UNC13C: variants seen among roughly 807,000 people sequenced by gnomAD.
The protein encoded by UNC13C is protein unc-13 homolog C.
Under a neutral mutation model 245.4 loss-of-function variants are expected in UNC13C, and 174 were observed. The ratio of observed to expected loss-of-function variants is 0.71; its 90% CI spans 0.63 to 0.80. The LOEUF is 0.80. Among genes scored for constraint, UNC13C ranks in the 30% least tolerant of loss-of-function variants. The pLI, the probability that UNC13C is intolerant of heterozygous loss-of-function variation, is 0.00. For synonymous variants in UNC13C, 992 were observed against 895.1 expected, an observed-to-expected ratio of 1.11 and a Z score of -1.93; for missense variants, 2,829 against 2,602.9, an observed-to-expected ratio of 1.09 and a Z score of -1.89.
chr15:53,929,228 T>A, the UNC13C span, among the ~76,000 whole-genome samples: 1 of 152,106 alleles, frequency 6.6e-6, no homozygotes, highest in South Asian at 2.1e-4. Flanking sequence ...TTATTCACTA[T>A]CAAAAGAACA....
chr15:53,941,788 G>A, the UNC13C span, among the ~76,000 whole-genome samples: 1 of 152,050 alleles, frequency 6.6e-6, no homozygotes, highest in Non-Finnish European at 1.5e-5. Flanking sequence ...CATTCATGGG[G>A]CCAAATATAT....
At chr15:54,329,974 G>C (rs1370369686) in intron 14 of UNC13C, among the ~76,000 whole-genome samples, 1 of 152,058 alleles carries the variant, frequency 6.6e-6, no homozygotes, top group Non-Finnish European at 1.5e-5. Flanking sequence ...GGAATTCAGA[G>C]CTGGTATAGC....
At chr15:54,425,093 T>A (rs1228652112) in intron 19 of UNC13C, among the ~76,000 whole-genome samples, 1 of 149,932 alleles carries the variant, frequency 6.7e-6, no homozygotes, top group Admixed American at 6.6e-5. Context: ...CACTTCAGCA[T>A]GTGAAAGAGT....
In UNC13C at chr15:54,500,889, G is replaced by A; in HGVS notation, c.5212G>A (p.Ala1738Thr). The change falls in exon 22 of 33, where the codon GCT becomes ACT. Residue 1738 changes from alanine to threonine, a missense_variant. Transcript: ENST00000260323. Reference sequence around the variant, plus strand: ...TTCTTGCTCCGTGGTTGATGTCTTTGCTCAGCTGAATCAGAGCTTTGAAAT... The same window carrying A: ...TTCTTGCTCCGTGGTTGATGTCTTTACTCAGCTGAATCAGAGCTTTGAAAT... ...LFSCSVVDVF[A>T]QLNQSFEIIK... 6.2e-7 allele frequency: 1 copy of A among 1,612,944 alleles called. No individual in the cohort carries two copies. Among genetic ancestry groups the A allele is most frequent in the Non-Finnish European group, 8.5e-7 (1 of 1,179,244 alleles).
chr15:54,269,054 A>G (rs564794638), intron 10 of UNC13C, among the ~76,000 whole-genome samples: 1 of 140,838 alleles, frequency 7.1e-6, no homozygotes, highest in African/African-American at 3.0e-5. Context: ...TTAATTTTTT[A>G]TTTTATTTTA....
chr15:54,433,159 A>G lies in UNC13C; in HGVS notation c.4933+18092A>G, dbSNP rs372931008. On this transcript the variant is annotated intron_variant, in intron 19 of 32. Transcript: ENST00000260323. ...CACAGCAGTATTCTACCAGAGATAC[A>G]AAGAGGAGATGGTACCATTCCTTCT... 6.0e-4 allele frequency among the ~76,000 whole-genome samples: 92 copies of G among 152,264 alleles called. No homozygotes were observed. The South Asian group carries it at 0.018, about 30-fold the overall frequency.
intron 1 of UNC13C, among the ~76,000 whole-genome samples, chr15:54,001,723 T>C (rs1894896941): frequency 6.6e-6 from 1 of 152,254 alleles, no homozygotes; most frequent in African/African-American, 2.4e-5. Context: ...ATTATCTTAT[T>C]TGTTAAATGA....
intron 2 of UNC13C, among the ~76,000 whole-genome samples, chr15:54,102,151 T>C (rs527329780): frequency 6.6e-6 from 1 of 150,946 alleles, no homozygotes; most frequent in East Asian, 2.0e-4. Context: ...ATTAGGCAAA[T>C]TCCCATAAGT....
chr15:53,879,836 T>C, the UNC13C span, among the ~76,000 whole-genome samples: 2 of 152,190 alleles, frequency 1.3e-5, no homozygotes, highest in African/African-American at 4.8e-5. Flanking sequence ...CCACCTGCCT[T>C]GGCCTGATTC....
rs879818226 is a variant in UNC13C, at chr15:54,136,304, A to AT, written c.2984-6704dup. Among the ~76,000 whole-genome samples, 369 of 149,074 alleles carry AT rather than the reference A, an allele frequency of 2.5e-3. 1 individual carries two copies. Among genetic ancestry groups the AT allele is most frequent in the Non-Finnish European group, 4.0e-3 (269 of 66,972 alleles). On this transcript the variant is annotated intron_variant, in intron 2 of 32. Coordinates refer to ENST00000260323, the MANE Select transcript of UNC13C (RefSeq NM_001080534.3). ...AGGCATGTGCCACCATGCCCTGCAA[A>AT]TTTTTTTTTTGTATTGTTTGTAGAG...
chr15:54,024,155 G>A (rs1300241638), intron 2 of UNC13C, among the ~76,000 whole-genome samples: 1 of 152,136 alleles, frequency 6.6e-6, no homozygotes, highest in South Asian at 2.1e-4. Context: ...AGAGGAGACC[G>A]ACTCCAGTGC....
At chr15:54,601,903 C>T (rs2141273392) in intron 30 of UNC13C, among the ~76,000 whole-genome samples, 1 of 152,284 alleles carries the variant, frequency 6.6e-6, no homozygotes, top group African/African-American at 2.4e-5. Flanking sequence ...TCTCTGCAAT[C>T]TGTCGTAGTG....
At chr15:53,906,221 G>A in the UNC13C span, among the ~76,000 whole-genome samples, 1 of 152,124 alleles carries the variant, frequency 6.6e-6, no homozygotes, top group Non-Finnish European at 1.5e-5. Context: ...AGCTACTAGG[G>A]AGGCTGAGGT....
At chr15:54,244,110 G>A (rs2035930168) in intron 7 of UNC13C, among the ~76,000 whole-genome samples, 1 of 151,980 alleles carries the variant, frequency 6.6e-6, no homozygotes, top group Non-Finnish European at 1.5e-5. Context: ...TATAGTTTTG[G>A]GGTTTTATAT....
In UNC13C at chr15:54,476,013, G is replaced by C. The variant is rs1436274662; in HGVS notation, c.4934-18595G>C. 7.8e-5 allele frequency among the ~76,000 whole-genome samples: 9 copies of C among 115,818 alleles called. 4 individuals are homozygous for C. The highest frequency in any genetic ancestry group is 3.5e-4 in the Admixed American group (4 of 11,562). The allele number at this position is 115,818 out of a possible 152,430, so 76.0% of individuals were successfully genotyped here. A position where few individuals can be genotyped will look rare whatever the true frequency, so the allele number is the denominator to read the frequency against. On this transcript the variant is annotated intron_variant, in intron 19 of 32. Coordinates refer to ENST00000260323, the MANE Select transcript of UNC13C (RefSeq NM_001080534.3). ...ATGATTGCCATTCTAACTGGCGTGA[G>C]ATGGTATCTCATTGTGGTTTTGATT...
At chr15:54,098,842 G>A (rs1038497205) in intron 2 of UNC13C, among the ~76,000 whole-genome samples, 1 of 152,142 alleles carries the variant, frequency 6.6e-6, no homozygotes, top group South Asian at 2.1e-4. Flanking sequence ...TTCATCAAAT[G>A]TCAGCGAATC....
intron 4 of UNC13C, among the ~76,000 whole-genome samples, chr15:54,209,778 AAAC>A (rs2034824795): frequency 1.3e-5 from 2 of 152,248 alleles, no homozygotes; most frequent in African/African-American, 2.4e-5. Flanking sequence ...AATATCGGCT[AAAC>A]AACGATTACA....
intron 14 of UNC13C, among the ~76,000 whole-genome samples, chr15:54,331,597 A>G (rs749675054): frequency 3.9e-5 from 6 of 152,138 alleles, no homozygotes; most frequent in Admixed American, 6.6e-5. Flanking sequence ...CCACTTCCGT[A>G]GGTGGTAGAA....
At chr15:54,618,836 C>T (rs1900617824) in intron 30 of UNC13C, among the ~76,000 whole-genome samples, 1 of 151,998 alleles carries the variant, frequency 6.6e-6, no homozygotes, top group African/African-American at 2.4e-5. Context: ...TAACGGGAGC[C>T]AAACTGTGCA....
Sources: allele counts gnomAD v4.1 joint callset (sites outside exome capture counted in the v4.1 genomes callset), GRCh38; gene constraint gnomAD v4.1.1; transcripts MANE v1.5; gene names NCBI Gene and HGNC (gene_info 2026-07-23, HGNC 2026-07-21).